The following AGPS variants were observed in gnomAD, a reference collection of about 807,000 sequenced individuals.
The protein encoded by AGPS is alkylglycerone phosphate synthase.
AGPS carries 26 observed loss-of-function variants against 90.7 expected under a neutral mutation model. The observed-to-expected ratio is 0.29, with a 90% CI of 0.21 to 0.40. AGPS has a LOEUF of 0.40. Among genes scored for constraint, AGPS ranks in the 10% least tolerant of loss-of-function variants. The pLI, the probability that AGPS is intolerant of heterozygous loss-of-function variation, is 1.00. For synonymous variants in AGPS, 294 were observed against 285.3 expected (o/e 1.03, Z -0.31); for missense variants, 540 against 816.1 (o/e 0.66, Z 4.12).
chr2:177,438,834 A>G (rs992929776), intron 5 of AGPS, among the ~76,000 whole-genome samples: 2 of 152,198 alleles, frequency 1.3e-5, no homozygotes, highest in African/African-American at 4.8e-5. Flanking sequence ...TTATTAAGTC[A>G]CTGAGGTCTT....
chr2:177,394,876 G>C (rs932785829), intron 1 of AGPS, among the ~76,000 whole-genome samples: 10 of 152,142 alleles, frequency 6.6e-5, no homozygotes, highest in African/African-American at 2.4e-4. Flanking sequence ...GTGTCTAAAG[G>C]CAGAGAGACT....
At chr2:177,430,267 T>C (rs998312186) in intron 2 of AGPS, among the ~76,000 whole-genome samples, 1 of 152,118 alleles carries the variant, frequency 6.6e-6, no homozygotes, top group African/African-American at 2.4e-5. Flanking sequence ...TCCAAGCCAG[T>C]GGGTCTTAAC....
At chr2:177,508,063 A>ATATCGCATATTTG in intron 16 of AGPS, 32 bp downstream of exon 16, 1 of 1,485,104 alleles carries the variant, frequency 6.7e-7, no homozygotes, top group Non-Finnish European at 9.4e-7. Context: ...GATATTATTC[A>ATATCGCATATTTG]AATATGCGAT....
At chr2:177,511,130 G>T (rs1272232974) in intron 16 of AGPS, among the ~76,000 whole-genome samples, 1 of 152,006 alleles carries the variant, frequency 6.6e-6, no homozygotes, top group African/African-American at 2.4e-5. Context: ...ATGGGATCTC[G>T]CTCTGTCACC....
chr2:177,517,042 C>T (rs1035933766), intron 17 of AGPS, among the ~76,000 whole-genome samples: 9 of 151,938 alleles, frequency 5.9e-5, no homozygotes, highest in Non-Finnish European at 1.3e-4. Flanking sequence ...GCCTAAAATG[C>T]GATTAAAATT....
intron 7 of AGPS, among the ~76,000 whole-genome samples, chr2:177,444,858 T>A (rs1686723071): frequency 6.6e-6 from 1 of 152,288 alleles, no homozygotes; most frequent in South Asian, 2.1e-4. Context: ...AAAAGTTAGG[T>A]CAAATAAGAA....
intron 9 of AGPS, among the ~76,000 whole-genome samples, chr2:177,466,847 G>A (rs1574392208): frequency 6.6e-6 from 1 of 152,300 alleles, no homozygotes; most frequent in African/African-American, 2.4e-5. Context: ...AGAGATGCCT[G>A]GGTCTGCAGC....
At chr2:177,441,364 A>C in intron 6 of AGPS, 2 of 257,268 alleles carry the variant, frequency 7.8e-6, no homozygotes, top group Non-Finnish European at 1.5e-5. Context: ...TCAAAAGCTA[A>C]ATATAAATAT....
intron 8 of AGPS, among the ~76,000 whole-genome samples, chr2:177,451,496 TTTTC>T (rs1686949133): frequency 6.6e-6 from 1 of 152,096 alleles, no homozygotes; most frequent in African/African-American, 2.4e-5. Flanking sequence ...ATAAAGACAG[TTTTC>T]TTTCTTTCTT....
rs573234795 is a variant in AGPS, at chr2:177,542,183, A to C, written c.*3988A>C. The C allele has an allele frequency of 2.0e-5, 3 of 152,272 alleles. No individual in the cohort carries two copies. The highest frequency in any genetic ancestry group is 7.2e-5 in the African/African-American group (3 of 41,562). The allele number at this position is 152,272 out of a possible 1,614,324, so 9.4% of individuals were successfully genotyped here. A position where few individuals can be genotyped will look rare whatever the true frequency, so the allele number is the denominator to read the frequency against. On this transcript the variant is annotated 3_prime_UTR_variant, in exon 20 of 20. Coordinates refer to ENST00000264167, the MANE Select transcript of AGPS (RefSeq NM_003659.4). Reference sequence around the variant, plus strand: ...TTTTTATAATTTTGTTGCTTGTAGCATAATCAAGTGCAAAATCAAGTGCAA... The same window carrying C: ...TTTTTATAATTTTGTTGCTTGTAGCCTAATCAAGTGCAAAATCAAGTGCAA...
At chr2:177,426,039 C>G (rs1686070685) in intron 2 of AGPS, among the ~76,000 whole-genome samples, 1 of 152,104 alleles carries the variant, frequency 6.6e-6, no homozygotes, top group Non-Finnish European at 1.5e-5. Flanking sequence ...GAATGTTTTT[C>G]CATTTCTTTG....
intron 5 of AGPS, among the ~76,000 whole-genome samples, chr2:177,437,270 T>C (rs1332856577): frequency 6.6e-6 from 1 of 152,182 alleles, no homozygotes; most frequent in East Asian, 1.9e-4. Flanking sequence ...AATTAAATCA[T>C]CATTTTAAAT....
intron 2 of AGPS, among the ~76,000 whole-genome samples, chr2:177,430,720 T>G (rs928594234): frequency 2.6e-5 from 4 of 152,120 alleles, no homozygotes; most frequent in African/African-American, 9.7e-5. Context: ...GATATTTTAG[T>G]TGAAGGTGCT....
At chr2:177,477,112 TTTGG>T (rs1274447473) in intron 10 of AGPS, among the ~76,000 whole-genome samples, 2 of 152,100 alleles carry the variant, frequency 1.3e-5, no homozygotes, top group African/African-American at 4.8e-5. Flanking sequence ...TGTCTTTTCT[TTTGG>T]TTGTTTAGTC....
At chr2:177,455,357 C>T (rs1045609560) in intron 8 of AGPS, among the ~76,000 whole-genome samples, 2 of 152,106 alleles carry the variant, frequency 1.3e-5, no homozygotes, top group African/African-American at 2.4e-5. Flanking sequence ...TTCTGTGGAG[C>T]GCTAAACTAG....
intron 9 of AGPS, among the ~76,000 whole-genome samples, chr2:177,463,296 T>C (rs1401300331): frequency 1.3e-5 from 2 of 152,318 alleles, no homozygotes; most frequent in South Asian, 2.1e-4. Flanking sequence ...TTCTGTAAAA[T>C]AGAATAATGA....
chr2:177,536,164 G>T (rs1043490660), intron 19 of AGPS, among the ~76,000 whole-genome samples: 9 of 152,162 alleles, frequency 5.9e-5, no homozygotes, highest in Non-Finnish European at 1.3e-4. Context: ...AAACCAGGCA[G>T]ACAAGCTAGC....
intron 10 of AGPS, among the ~76,000 whole-genome samples, chr2:177,480,871 A>G (rs1160581756): frequency 6.6e-6 from 1 of 152,080 alleles, no homozygotes; most frequent in Non-Finnish European, 1.5e-5. Flanking sequence ...CACTTTTGTT[A>G]TCTTTTAAAT....
At chr2:177,393,531 T>C in intron 1 of AGPS, 1 of 985,356 alleles carries the variant, frequency 1.0e-6, no homozygotes, top group Non-Finnish European at 1.2e-6. Context: ...GACTGGTTTC[T>C]GTGGGGTAAG....
Sources: allele counts gnomAD v4.1 joint callset (sites outside exome capture counted in the v4.1 genomes callset), GRCh38; gene constraint gnomAD v4.1.1; transcripts MANE v1.5; gene names NCBI Gene and HGNC (gene_info 2026-07-23, HGNC 2026-07-21).